The following ZFYVE28 variants were observed in gnomAD, a reference collection of about 807,000 sequenced individuals.
ZFYVE28 encodes the protein lateral signaling target protein 2 homolog.
A neutral mutation model predicts 82.1 loss-of-function variants in ZFYVE28; 40 were observed. The observed-to-expected ratio is 0.49, with a 90% CI of 0.38 to 0.63. ZFYVE28 has a LOEUF of 0.63. Ranked by LOEUF, ZFYVE28 falls within the 30% of genes least tolerant of loss-of-function variation. ZFYVE28 has a pLI of 0.00. For synonymous variants in ZFYVE28, 612 were observed against 546.1 expected (o/e 1.12, Z -1.68); for missense variants, 1,321 against 1,242.1 (o/e 1.06, Z -0.96).
chr4:2,324,134 G>C (rs764920582), intron 6 of ZFYVE28, among the ~76,000 whole-genome samples: 3 of 152,120 alleles, frequency 2.0e-5, no homozygotes, highest in Admixed American at 6.5e-5. Flanking sequence ...ATGCAATTGT[G>C]GGGGCTGGAA....
At chr4:2,382,118 G>A (rs950155277) in intron 1 of ZFYVE28, among the ~76,000 whole-genome samples, 6 of 152,256 alleles carry the variant, frequency 3.9e-5, no homozygotes, top group Non-Finnish European at 8.8e-5. Context: ...GATTTCAGAG[G>A]ATGCATGGAA....
rs113525548 is a variant in ZFYVE28 at position 2,270,356 on chromosome 4, C to CG, written c.*368dup. ...TCCAGATTCACCGCAACAGCAGAGGCGCAGAGTGGCCCCACTCTTGTCCAC... is the reference window on the plus strand; with the variant it reads ...TCCAGATTCACCGCAACAGCAGAGGCGGCAGAGTGGCCCCACTCTTGTCCAC... On this transcript the variant is annotated 3_prime_UTR_variant, in exon 13 of 13. Coordinates refer to ENST00000290974, the MANE Select transcript of ZFYVE28 (RefSeq NM_020972.3). 0.63 allele frequency: 162,880 copies of CG among 260,506 alleles called. 53,124 individuals are homozygous for CG. The highest frequency in any genetic ancestry group is 0.81 in the African/African-American group (36,029 of 44,304). 16.1% of individuals were successfully genotyped at this position (260,506 alleles called of 1,614,324 possible). A position where few individuals can be genotyped will look rare whatever the true frequency, so the allele number is the denominator to read the frequency against.
At chr4:2,309,120 G>T (rs1024107204) in intron 7 of ZFYVE28, among the ~76,000 whole-genome samples, 8 of 152,098 alleles carry the variant, frequency 5.3e-5, no homozygotes, top group Non-Finnish European at 1.0e-4. Flanking sequence ...AGGTGATTAG[G>T]TCATTAAGGA....
At chr4:2,393,570 A>G (rs959770) in intron 1 of ZFYVE28, among the ~76,000 whole-genome samples, 19,527 of 152,190 alleles carry the variant, frequency 0.13, 1,285 homozygotes, top group Admixed American at 0.13. Context: ...GGCCCCTTCC[A>G]AAAGCTAGGT....
chr4:2,272,594 A>G (rs1736012009), intron 10 of ZFYVE28, among the ~76,000 whole-genome samples: 1 of 152,342 alleles, frequency 6.6e-6, no homozygotes, highest in Middle Eastern at 3.4e-3. Context: ...CTGTGTGACC[A>G]TGGCTGTGAG....
At chr4:2,270,963 G>A in intron 12 of ZFYVE28, 107 bp from the exon 13 acceptor site, 3 of 1,488,012 alleles carry the variant, frequency 2.0e-6, no homozygotes, top group Middle Eastern at 2.4e-4. Context: ...GCATTGGTGG[G>A]TGGGGACTGC....
intron 8 of ZFYVE28, among the ~76,000 whole-genome samples, chr4:2,301,850 G>A (rs1419006695): frequency 1.3e-5 from 2 of 152,336 alleles, no homozygotes; most frequent in East Asian, 1.9e-4. Context: ...TCACACGGCC[G>A]TGAAGCTCAT....
At chr4:2,354,977 C>A (rs997577123) in intron 1 of ZFYVE28, among the ~76,000 whole-genome samples, 6 of 151,348 alleles carry the variant, frequency 4.0e-5, no homozygotes, top group African/African-American at 1.5e-4. Context: ...CTCAGAGGTT[C>A]CCCTCCCACC....
At chr4:2,288,637 G>A (rs1713132152) in intron 8 of ZFYVE28, among the ~76,000 whole-genome samples, 1 of 152,264 alleles carries the variant, frequency 6.6e-6, no homozygotes, top group Non-Finnish European at 1.5e-5. Context: ...TCTGCCATGT[G>A]GGCAGGGAAC....
intron 6 of ZFYVE28, among the ~76,000 whole-genome samples, chr4:2,323,798 GT>G (rs1719461864): frequency 6.7e-6 from 1 of 149,234 alleles, no homozygotes; most frequent in African/African-American, 2.5e-5. Context: ...GCGGTGTTTG[GT>G]TTTTTGTTCT....
intron 7 of ZFYVE28, among the ~76,000 whole-genome samples, chr4:2,305,915 C>T (rs1377911246): frequency 6.6e-6 from 1 of 152,186 alleles, no homozygotes; most frequent in African/African-American, 2.4e-5. Flanking sequence ...CCTTTCATTC[C>T]ACAAATACCA....
chr4:2,413,620 G>A (rs745446283), intron 1 of ZFYVE28, among the ~76,000 whole-genome samples: 7 of 152,226 alleles, frequency 4.6e-5, no homozygotes, highest in Non-Finnish European at 1.0e-4. Context: ...AGAGAGAAAC[G>A]TGCCAGGCCA....
At chr4:2,353,149 G>A (rs1724726199) in intron 2 of ZFYVE28, among the ~76,000 whole-genome samples, 1 of 152,220 alleles carries the variant, frequency 6.6e-6, no homozygotes, top group African/African-American at 2.4e-5. Flanking sequence ...AAGTTGTCCT[G>A]GCCACACACA....
At chr4:2,344,403 T>C (rs1371692121) in intron 2 of ZFYVE28, among the ~76,000 whole-genome samples, 1 of 152,198 alleles carries the variant, frequency 6.6e-6, no homozygotes, top group East Asian at 1.9e-4. Context: ...CCCAAAAGTG[T>C]TCTGCCTCCA....
intron 8 of ZFYVE28, among the ~76,000 whole-genome samples, chr4:2,283,638 A>G (rs1712301960): frequency 6.6e-6 from 1 of 152,082 alleles, no homozygotes; most frequent in South Asian, 2.1e-4. Context: ...CTAAGCACCA[A>G]CTATGATCCA....
chr4:2,341,333 C>A lies in ZFYVE28; in HGVS notation c.318+145G>T. On this transcript the variant is annotated intron_variant, in intron 3 of 12. Transcript: ENST00000290974. The surrounding 1 kb of genome is among the most constrained non-coding windows in gnomAD (Gnocchi z 4.5). ...GGTGCACGGCCTACCAGGCTCAGAC[C>A]ACACCACGTAACCCAGAGTGGACGG... is the stretch of plus-strand genomic sequence containing the variant. 1 of 1,176,002 alleles carries A rather than the reference C, an allele frequency of 8.5e-7. No individual in the cohort carries two copies. The allele number at this position is 1,176,002 out of a possible 1,614,324, so 72.8% of individuals were successfully genotyped here.
chr4:2,345,698 C>G (rs1578188520), intron 2 of ZFYVE28, among the ~76,000 whole-genome samples: 1 of 150,516 alleles, frequency 6.6e-6, no homozygotes, highest in East Asian at 2.0e-4. Context: ...GTAAATGAAC[C>G]CCAAGCAGAA....
At chr4:2,297,158 C>T (rs1303567617) in intron 8 of ZFYVE28, among the ~76,000 whole-genome samples, 3 of 152,274 alleles carry the variant, frequency 2.0e-5, no homozygotes, top group African/African-American at 7.2e-5. Context: ...GGCGCCTTCA[C>T]TGATGTGCCA....
intron 8 of ZFYVE28, among the ~76,000 whole-genome samples, chr4:2,280,610 C>T (rs1019635507): frequency 4.6e-5 from 7 of 152,202 alleles, no homozygotes; most frequent in African/African-American, 1.7e-4. Context: ...TAATCTTACA[C>T]TTACTTGAGT....
Sources: gnomAD v4.1 joint callset for allele counts (sites outside exome capture counted in the v4.1 genomes callset) on GRCh38, gnomAD v4.1.1 for gene constraint, Gnocchi (gnomAD v3.1) non-coding constraint, MANE v1.5 for transcripts, NCBI Gene and HGNC (gene_info 2026-07-23, HGNC 2026-07-21) for gene names.